SORBS2: variants seen among roughly 807,000 people sequenced by gnomAD.
SORBS2 encodes the protein sorbin and SH3 domain containing 2.
A neutral mutation model predicts 97.7 loss-of-function variants in SORBS2; 46 were observed. That is an observed-to-expected ratio of 0.47 (90% CI 0.37 to 0.60). The LOEUF (loss-of-function observed/expected upper bound fraction) is 0.60, where lower values mean the gene tolerates loss of function less well. Ranked by LOEUF, SORBS2 falls within the 20% of genes least tolerant of loss-of-function variation. SORBS2 has a pLI of 0.00. For missense variants in SORBS2, 1,316 were observed against 1,282.3 expected, an observed-to-expected ratio of 1.03 and a Z score of -0.40; for synonymous variants, 476 against 473.4, an observed-to-expected ratio of 1.01 and a Z score of -0.07.
Position 185,830,774 on chromosome 4 carries a change from C to A in SORBS2, c.-337-55408G>T, listed in dbSNP as rs534462797. 2.0e-5 allele frequency among the ~76,000 whole-genome samples: 3 copies of A among 152,290 alleles called. No individual in the cohort carries two copies. The South Asian group carries it at 6.2e-4, about 32-fold the overall frequency. ...TTCTTTTCTTATCAAATTGCCCTGT[C>A]TGAACCCAAAACAAACACCCTCCTG... On this transcript the variant is annotated intron_variant, in intron 1 of 20. Coordinates refer to the SORBS2 transcript ENST00000284776.
rs1288748201 is a variant in SORBS2 at position 185,868,147 on chromosome 4, C to CTTTCTTTCTTTTTTTTT, written c.-338+88048_-338+88049insAAAAAAAAAGAAAGAAA. ...TCTACTTTCCTTTCTCTTTTCTTTTCTTTTTTTCTTTCTTTTTTTTTTTTT... is the reference window on the plus strand; with the variant it reads ...TCTACTTTCCTTTCTCTTTTCTTTTCTTTCTTTCTTTTTTTTTTTTTTTTCTTTCTTTTTTTTTTTTT... On this transcript the variant is annotated intron_variant, in intron 1 of 20. Coordinates refer to the SORBS2 transcript ENST00000284776. 1.5e-3 allele frequency among the ~76,000 whole-genome samples: 139 copies of CTTTCTTTCTTTTTTTTT among 89,728 alleles called. 21 individuals are homozygous for CTTTCTTTCTTTTTTTTT. Among genetic ancestry groups the CTTTCTTTCTTTTTTTTT allele is most frequent in the South Asian group, 3.3e-3 (10 of 3,068 alleles). The allele number at this position is 89,728 out of a possible 152,430, so 58.9% of individuals were successfully genotyped here.
At chr4:185,674,653 T>C (rs1400173525) in intron 4 of SORBS2, among the ~76,000 whole-genome samples, 1 of 152,180 alleles carries the variant, frequency 6.6e-6, no homozygotes, top group African/African-American at 2.4e-5. Flanking sequence ...CATCTGGTCT[T>C]TGTTACCTCT....
At chr4:185,736,195 A>G (rs1202948651) in intron 2 of SORBS2, among the ~76,000 whole-genome samples, 5 of 152,230 alleles carry the variant, frequency 3.3e-5, no homozygotes, top group African/African-American at 4.8e-5. Flanking sequence ...GAGACTGTCA[A>G]TGAAGGAGCA....
At chr4:185,946,324 T>A (rs2099274543) in intron 1 of SORBS2, among the ~76,000 whole-genome samples, 1 of 152,160 alleles carries the variant, frequency 6.6e-6, no homozygotes. Flanking sequence ...CACAAGGTTA[T>A]TGCCATAATT....
chr4:185,732,227 C>A (rs982257825), intron 2 of SORBS2, among the ~76,000 whole-genome samples: 3 of 151,994 alleles, frequency 2.0e-5, no homozygotes, highest in African/African-American at 4.8e-5. Flanking sequence ...AAAGTCAGAA[C>A]AATCAAGAGG....
rs536952649 is a variant in SORBS2 at position 185,775,287 on chromosome 4, T to C, written c.-258A>G. ...GAGGAAGTAGGAGTCAGTGGCCTTTTACATGTAGAGATTGTTTATTTAGCC... is the reference window on the plus strand; with the variant it reads ...GAGGAAGTAGGAGTCAGTGGCCTTTCACATGTAGAGATTGTTTATTTAGCC... On this transcript the variant is annotated 5_prime_UTR_variant, in exon 2 of 21. It removes the in-frame stop codon of an upstream open reading frame in the 5' UTR. Transcript: ENST00000284776. The C allele has an allele frequency of 3.9e-5, 6 of 152,758 alleles. No homozygotes were observed. The East Asian group carries it at 1.2e-3, about 29-fold the overall frequency. The allele number at this position is 152,758 out of a possible 1,614,324, so 9.5% of individuals were successfully genotyped here. A position where few individuals can be genotyped will look rare whatever the true frequency, so the allele number is the denominator to read the frequency against.
intron 1 of SORBS2, among the ~76,000 whole-genome samples, chr4:185,878,271 G>A (rs2099234797): frequency 6.6e-6 from 1 of 152,100 alleles, no homozygotes; most frequent in African/African-American, 2.4e-5. Flanking sequence ...GAGTGGAAAC[G>A]TGAAAAAGTA....
At chr4:185,669,687 C>T (rs1367047975) in intron 4 of SORBS2, among the ~76,000 whole-genome samples, 2 of 152,044 alleles carry the variant, frequency 1.3e-5, no homozygotes, top group Non-Finnish European at 2.9e-5. Context: ...TGCAAAAAAG[C>T]AAAAATACCC....
intron 2 of SORBS2, among the ~76,000 whole-genome samples, chr4:185,756,398 C>T (rs751199881): frequency 6.6e-6 from 1 of 152,128 alleles, no homozygotes; most frequent in Non-Finnish European, 1.5e-5. Context: ...GAATATTTCA[C>T]AAAATTCACT....
intron 1 of SORBS2, among the ~76,000 whole-genome samples, chr4:185,881,472 A>G (rs2099236844): frequency 6.6e-6 from 1 of 152,208 alleles, no homozygotes; most frequent in African/African-American, 2.4e-5. Flanking sequence ...CTTGACATCA[A>G]GCATGAAGAA....
chr4:185,657,346 G>T, upstream of SORBS2: 1 of 1,335,968 alleles, frequency 7.5e-7, no homozygotes, highest in South Asian at 1.8e-5. Context: ...CCCTAGGAAT[G>T]CACAAAGCCG....
At chr4:185,688,505 A>C (rs55926444) in intron 2 of SORBS2, among the ~76,000 whole-genome samples, 1 of 127,680 alleles carries the variant, frequency 7.8e-6, no homozygotes, top group South Asian at 2.3e-4. Context: ...TAGATAGATA[A>C]ATAGATAGAT....
rs547881634 is a variant in SORBS2 at position 185,801,626 on chromosome 4, ACTAT to A, written c.-337-26264_-337-26261del. 3.3e-5 allele frequency among the ~76,000 whole-genome samples: 5 copies of A among 151,734 alleles called. No homozygotes were observed. In the South Asian group the frequency reaches 1.1e-3, roughly 32 times the overall value. On this transcript the variant is annotated intron_variant, in intron 1 of 20. Coordinates refer to the SORBS2 transcript ENST00000284776. Reference sequence around the variant, plus strand: ...GCCATTTGTATGTCTTCTTTGGAAAACTATCTATGCTGGCCCTTTGCCCATTTTT... The same window carrying A: ...GCCATTTGTATGTCTTCTTTGGAAAACTATGCTGGCCCTTTGCCCATTTTT...
intron 2 of SORBS2, among the ~76,000 whole-genome samples, chr4:185,762,311 C>T (rs2098900112): frequency 6.6e-6 from 1 of 152,054 alleles, no homozygotes; most frequent in Non-Finnish European, 1.5e-5. Context: ...ATTTGAGGTA[C>T]TCAGAAGACA....
intron 12 of SORBS2, among the ~76,000 whole-genome samples, chr4:185,611,004 C>A (rs1178400210): frequency 6.6e-6 from 1 of 151,964 alleles, no homozygotes; most frequent in Non-Finnish European, 1.5e-5. Context: ...AGACAAATAG[C>A]CTTTTTACAT....
chr4:185,747,778 T>A (rs2098772388), intron 2 of SORBS2, among the ~76,000 whole-genome samples: 1 of 152,096 alleles, frequency 6.6e-6, no homozygotes. Flanking sequence ...AGTGGGCACA[T>A]CAGGAGCTCG....
chr4:185,953,371 G>A (rs2310369), intron 1 of SORBS2, among the ~76,000 whole-genome samples: 133,549 of 152,228 alleles, frequency 0.88, 58,602 homozygotes, highest in East Asian at 0.95. Context: ...ATGCTCTCCA[G>A]TCAGCCCTTC....
intron 2 of SORBS2, among the ~76,000 whole-genome samples, chr4:185,693,445 C>A (rs1208894563): frequency 6.6e-6 from 1 of 151,996 alleles, no homozygotes; most frequent in Non-Finnish European, 1.5e-5. Flanking sequence ...TAGCAAAACT[C>A]CTAATATGTT....
At chr4:185,835,800 T>C (rs1303756575) in intron 1 of SORBS2, among the ~76,000 whole-genome samples, 1 of 151,798 alleles carries the variant, frequency 6.6e-6, no homozygotes, top group Non-Finnish European at 1.5e-5. Context: ...CCCTTGAAGG[T>C]GGGAGACTTA....
Sources: allele counts gnomAD v4.1 joint callset (sites outside exome capture counted in the v4.1 genomes callset), GRCh38; gene constraint gnomAD v4.1.1; transcripts MANE v1.5; gene names NCBI Gene and HGNC (gene_info 2026-07-23, HGNC 2026-07-21).